The following EPHA5 variants were observed in gnomAD, a reference collection of about 807,000 sequenced individuals.
EPHA5 encodes EPH receptor A5, also known as ephrin type-A receptor 5.
EPHA5 carries 60 observed loss-of-function variants against 105.0 expected under a neutral mutation model. That is an observed-to-expected ratio of 0.57 (90% CI 0.46 to 0.71). The LOEUF is 0.71. Among genes scored for constraint, EPHA5 ranks in the 30% least tolerant of loss-of-function variants. EPHA5 has a pLI of 0.00. For missense variants in EPHA5, 1,218 were observed against 1,274.7 expected (o/e 0.96, Z 0.68); for synonymous variants, 513 against 449.1 (o/e 1.14, Z -1.80).
At chr4:65,634,629 C>A (rs1746949901) in intron 2 of EPHA5, among the ~76,000 whole-genome samples, 1 of 151,966 alleles carries the variant, frequency 6.6e-6, no homozygotes, top group Non-Finnish European at 1.5e-5. Flanking sequence ...TACTTTGGAT[C>A]AGGCTTGTTC....
intron 8 of EPHA5, among the ~76,000 whole-genome samples, chr4:65,372,119 A>C (rs1444529531): frequency 3.3e-5 from 5 of 151,990 alleles, no homozygotes; most frequent in Non-Finnish European, 7.4e-5. Flanking sequence ...TGACATAACA[A>C]GGACCTCAAC....
chr4:65,485,915 T>G (rs1208626364), intron 5 of EPHA5, among the ~76,000 whole-genome samples: 6 of 152,160 alleles, frequency 3.9e-5, no homozygotes, highest in Non-Finnish European at 7.3e-5. Flanking sequence ...GGAGGGACTC[T>G]CACTGAAATT....
intron 2 of EPHA5, among the ~76,000 whole-genome samples, chr4:65,633,969 A>T (rs916509032): frequency 1.9e-4 from 29 of 152,122 alleles, no homozygotes. Context: ...TGGAGCAAAA[A>T]CATTAGATAG....
intron 11 of EPHA5, among the ~76,000 whole-genome samples, chr4:65,360,145 T>C (rs541744389): frequency 2.6e-5 from 4 of 151,746 alleles, no homozygotes; most frequent in African/African-American, 9.6e-5. Flanking sequence ...ACACCCACTC[T>C]CAACAGAAGC....
chr4:65,518,165 A>G (rs1477548152), intron 3 of EPHA5, among the ~76,000 whole-genome samples: 1 of 151,852 alleles, frequency 6.6e-6, no homozygotes, highest in Non-Finnish European at 1.5e-5. Context: ...TTAATGTTTG[A>G]CTTTTTTGGT....
chr4:65,551,278 GTGTATA>G (rs778948497), intron 3 of EPHA5, among the ~76,000 whole-genome samples: 24 of 105,310 alleles, frequency 2.3e-4, no homozygotes, highest in African/African-American at 5.2e-4. Context: ...GTGTGTGTGT[GTGTATA>G]TATATATATA....
intron 5 of EPHA5, among the ~76,000 whole-genome samples, chr4:65,476,423 T>A (rs536269020): frequency 6.6e-6 from 1 of 152,186 alleles, no homozygotes; most frequent in South Asian, 2.1e-4. Flanking sequence ...CAAAATCATG[T>A]CTTTTGCAGC....
chr4:65,441,001 G>T (rs1382468350), intron 5 of EPHA5, among the ~76,000 whole-genome samples: 1 of 152,068 alleles, frequency 6.6e-6, no homozygotes, highest in African/African-American at 2.4e-5. Flanking sequence ...TCATTTTGCT[G>T]TCAGTAATTT....
chr4:65,386,455 A>T (rs1488067877), intron 8 of EPHA5, among the ~76,000 whole-genome samples: 1 of 151,936 alleles, frequency 6.6e-6, no homozygotes, highest in Non-Finnish European at 1.5e-5. Flanking sequence ...AAAAATATTC[A>T]TATGCATTGA....
At chr4:65,527,662 A>C (rs978914220) in intron 3 of EPHA5, among the ~76,000 whole-genome samples, 14 of 152,140 alleles carry the variant, frequency 9.2e-5, no homozygotes, top group African/African-American at 3.4e-4. Flanking sequence ...ACTAGGAAGT[A>C]AAGTTCTGGG....
intron 13 of EPHA5, among the ~76,000 whole-genome samples, 165 bp downstream of exon 13, chr4:65,351,224 A>C (rs1216467306): frequency 6.6e-6 from 1 of 152,092 alleles, no homozygotes; most frequent in Non-Finnish European, 1.5e-5. Context: ...GATACATAAA[A>C]GGAAGAATTT....
At chr4:65,666,925 T>A (rs1750014981) in intron 1 of EPHA5, among the ~76,000 whole-genome samples, 1 of 152,160 alleles carries the variant, frequency 6.6e-6, no homozygotes, top group African/African-American at 2.4e-5. Context: ...ACACTTACAT[T>A]TATTCTGTAT....
intron 1 of EPHA5, among the ~76,000 whole-genome samples, chr4:65,667,107 T>C (rs1750031804): frequency 6.6e-6 from 1 of 152,108 alleles, no homozygotes; most frequent in African/African-American, 2.4e-5. Flanking sequence ...CCCCCTGACC[T>C]TCCAAAGTCC....
At chr4:65,629,875 A>G (rs1746471384) in intron 2 of EPHA5, among the ~76,000 whole-genome samples, 1 of 152,174 alleles carries the variant, frequency 6.6e-6, no homozygotes, top group South Asian at 2.1e-4. Context: ...TGGAATTTGG[A>G]ATATTTCCAG....
Position 65,601,701 on chromosome 4 carries a change from C to T in EPHA5, c.850G>A (p.Val284Met), listed in dbSNP as rs2149437165. 6.2e-7 allele frequency: 1 copy of T among 1,614,136 alleles called. No homozygotes were observed. The highest frequency in any genetic ancestry group is 8.5e-7 in the Non-Finnish European group (1 of 1,180,006). Residue 284 changes from valine (V) to methionine (M), a missense_variant, in exon 3 of 17, where the codon GTG becomes ATG. Val to Met is a conservative substitution (Grantham distance 21). Transcript: ENST00000613740. ...TTGCACATGCATTTCCCGATGGGCA[C>T]CAGCCACTCCCCTTCGGCGCTGCAG... is the stretch of plus-strand genomic sequence containing the variant. ...MHCSAEGEWL[V>M]PIGKCMCKAG...
chr4:65,522,649 A>G (rs377268346), intron 3 of EPHA5, among the ~76,000 whole-genome samples: 14 of 152,102 alleles, frequency 9.2e-5, no homozygotes, highest in East Asian at 7.7e-4. Context: ...AAATGTATGA[A>G]TGACAGATTT....
intron 2 of EPHA5, among the ~76,000 whole-genome samples, chr4:65,618,104 T>C (rs565855716): frequency 6.6e-6 from 1 of 152,256 alleles, no homozygotes; most frequent in Non-Finnish European, 1.5e-5. Flanking sequence ...TTAGTTGGGC[T>C]AAATGTAAAG....
At chr4:65,328,200 G>A (rs1359379362) in intron 16 of EPHA5, among the ~76,000 whole-genome samples, 1 of 151,024 alleles carries the variant, frequency 6.6e-6, no homozygotes, top group African/African-American at 2.4e-5. Flanking sequence ...TAAACATGAC[G>A]AGACTAGCAT....
At chr4:65,415,240 A>G (rs1321726890) in intron 6 of EPHA5, among the ~76,000 whole-genome samples, 1 of 152,096 alleles carries the variant, frequency 6.6e-6, no homozygotes, top group Non-Finnish European at 1.5e-5. Context: ...CTCAAATATA[A>G]CGGGTCCATT....
Sources: gnomAD v4.1 joint callset for allele counts (sites outside exome capture counted in the v4.1 genomes callset) on GRCh38, gnomAD v4.1.1 for gene constraint, MANE v1.5 for transcripts, NCBI Gene and HGNC (gene_info 2026-07-23, HGNC 2026-07-21) for gene names.